Variants in STXBP6 observed in about 807,000 individuals in gnomAD.
STXBP6 encodes syntaxin-binding protein 6.
A neutral mutation model predicts 26.9 loss-of-function variants in STXBP6; 21 were observed. The ratio of observed to expected loss-of-function variants is 0.78; its 90% confidence interval spans 0.55 to 1.12. The LOEUF (loss-of-function observed/expected upper bound fraction) is 1.12. STXBP6 is among the 50% of genes most tolerant of loss of function. STXBP6 has a pLI of 0.00. For synonymous variants in STXBP6, 97 were observed against 92.6 expected (o/e 1.05, Z -0.27); for missense variants, 232 against 257.9 (o/e 0.90, Z 0.69).
chr14:24,863,510 G>A (rs1473923113), intron 2 of STXBP6, among the ~76,000 whole-genome samples: 3 of 152,138 alleles, frequency 2.0e-5, no homozygotes, highest in Non-Finnish European at 4.4e-5. Context: ...TACTAGAAAA[G>A]AGGAGTATCC....
At chr14:24,835,870 C>T (rs141474341) in intron 4 of STXBP6, among the ~76,000 whole-genome samples, 2 of 152,302 alleles carry the variant, frequency 1.3e-5, no homozygotes, top group East Asian at 1.9e-4. Context: ...TGGATGGAGA[C>T]ACCCATTTTC....
intron 1 of STXBP6, among the ~76,000 whole-genome samples, chr14:25,008,685 T>C (rs1279847230): frequency 3.9e-5 from 6 of 152,164 alleles, no homozygotes; most frequent in Non-Finnish European, 7.3e-5. Context: ...GACTCTCAAA[T>C]AGCAATTACA....
intron 2 of STXBP6, among the ~76,000 whole-genome samples, chr14:24,897,548 GT>G (rs2071042891): frequency 6.6e-6 from 1 of 151,824 alleles, no homozygotes; most frequent in Non-Finnish European, 1.5e-5. Context: ...ATATTAATGT[GT>G]TTGAGTAGGG....
intron 2 of STXBP6, among the ~76,000 whole-genome samples, chr14:24,895,465 G>T (rs55903316): frequency 2.6e-5 from 4 of 151,988 alleles, no homozygotes; most frequent in African/African-American, 7.3e-5. Context: ...AGGAGGAGTC[G>T]CAATAACTTT....
chr14:25,022,103 C>T (rs528495336), intron 1 of STXBP6, among the ~76,000 whole-genome samples: 1 of 152,254 alleles, frequency 6.6e-6, no homozygotes, highest in African/African-American at 2.4e-5. Context: ...CTTTCTGGTA[C>T]AAGTAAAAGA....
At position 25,049,391 on chromosome 14, in the gene STXBP6, A is replaced by T; in HGVS notation, c.-33+487T>A. ...AAAGCTCGCCTCAGTTTTGGCAGTA[A>T]TGATTTTCCTAGAAGATGCCAGAGT... On this transcript the variant is annotated intron_variant, in intron 1 of 5. Transcript: ENST00000323944. This position sits in a 1 kb window ranked among gnomAD's most constrained non-coding sequence, Gnocchi z 5.6. The T allele has an allele frequency of 1.0e-6, 1 of 985,404 alleles. No homozygotes were observed. The highest frequency in any genetic ancestry group is 1.7e-5 in the African/African-American group (1 of 57,360). The allele number at this position is 985,404 out of a possible 1,614,324, so 61.0% of individuals were successfully genotyped here. A position where few individuals can be genotyped will look rare whatever the true frequency, so the allele number is the denominator to read the frequency against.
At chr14:24,946,503 A>G (rs77158056) in intron 2 of STXBP6, among the ~76,000 whole-genome samples, 3,650 of 152,320 alleles carry the variant, frequency 0.024, 75 homozygotes, top group East Asian at 0.11. Flanking sequence ...GCAGAGAAGG[A>G]TTGACTATGA....
chr14:24,969,815 G>A (rs374787357), intron 2 of STXBP6, among the ~76,000 whole-genome samples: 1 of 152,160 alleles, frequency 6.6e-6, no homozygotes, highest in African/African-American at 2.4e-5. Context: ...TTCTATCAGA[G>A]TGTTCAAAAA....
intron 2 of STXBP6, among the ~76,000 whole-genome samples, chr14:24,875,452 T>C (rs766490104): frequency 2.6e-5 from 4 of 152,234 alleles, no homozygotes; most frequent in Non-Finnish European, 2.9e-5. Context: ...CAACTCTTTA[T>C]GTCCAGGCAT....
intron 2 of STXBP6, among the ~76,000 whole-genome samples, chr14:24,933,008 T>C (rs550515819): frequency 1.3e-5 from 2 of 152,212 alleles, no homozygotes; most frequent in Admixed American, 1.3e-4. Flanking sequence ...AAATATAAGA[T>C]CTCAATTTGG....
At chr14:24,846,715 A>T (rs1354701134) in intron 4 of STXBP6, among the ~76,000 whole-genome samples, 1 of 152,206 alleles carries the variant, frequency 6.6e-6, no homozygotes, top group African/African-American at 2.4e-5. Context: ...AGTCCTGGGT[A>T]GGTACACTGC....
chr14:25,017,977 C>G (rs193075875), intron 1 of STXBP6, among the ~76,000 whole-genome samples: 1 of 152,134 alleles, frequency 6.6e-6, no homozygotes, highest in Non-Finnish European at 1.5e-5. Context: ...TGCTCTTGGT[C>G]GTGGATCACC....
chr14:24,851,907 C>A (rs1330340616), intron 4 of STXBP6, among the ~76,000 whole-genome samples: 1 of 152,106 alleles, frequency 6.6e-6, no homozygotes, highest in Admixed American at 6.6e-5. Context: ...CCAGATACAG[C>A]TGTGAAAATA....
chr14:24,951,511 A>G (rs905110324), intron 2 of STXBP6, among the ~76,000 whole-genome samples: 1 of 152,144 alleles, frequency 6.6e-6, no homozygotes, highest in African/African-American at 2.4e-5. Context: ...TTGGCAGCAT[A>G]AATGTCTTCT....
intron 4 of STXBP6, among the ~76,000 whole-genome samples, chr14:24,823,523 T>C (rs1163493941): frequency 6.6e-6 from 1 of 152,172 alleles, no homozygotes; most frequent in African/African-American, 2.4e-5. Context: ...GCTACTTCTA[T>C]AAAATACATA....
At chr14:24,988,123 A>G (rs188075165) in intron 1 of STXBP6, among the ~76,000 whole-genome samples, 2 of 152,342 alleles carry the variant, frequency 1.3e-5, no homozygotes, top group African/African-American at 4.8e-5. Flanking sequence ...CAGATAGAGA[A>G]ATCACATAAT....
chr14:25,026,233 A>G (rs2075347324), intron 1 of STXBP6, among the ~76,000 whole-genome samples: 1 of 152,204 alleles, frequency 6.6e-6, no homozygotes, highest in Admixed American at 6.5e-5. Context: ...CCTGAGTGAC[A>G]GGCAAGGGAG....
intron 1 of STXBP6, among the ~76,000 whole-genome samples, chr14:25,035,921 G>A (rs2075541806): frequency 6.6e-6 from 1 of 152,096 alleles, no homozygotes; most frequent in Admixed American, 6.5e-5. Flanking sequence ...CTTTGAGCCA[G>A]AAAAACAGGT....
chr14:24,920,408 T>C lies in STXBP6; in HGVS notation c.154+54257A>G, dbSNP rs79498368. Among the ~76,000 whole-genome samples, 50 of 152,232 alleles carry C rather than the reference T, an allele frequency of 3.3e-4. No individual in the cohort carries two copies. In the East Asian group the frequency reaches 8.9e-3, roughly 27 times the overall value. On this transcript the variant is annotated intron_variant, in intron 2 of 5. Transcript: ENST00000323944. ...TTACTCAACTATTTTTAACGTTTGA[T>C]CAACAGAATATTTCTCTTTCTCATT...
Sources: allele counts gnomAD v4.1 joint callset (sites outside exome capture counted in the v4.1 genomes callset), GRCh38; gene constraint gnomAD v4.1.1; non-coding constraint Gnocchi (gnomAD v3.1); transcripts MANE v1.5; gene names NCBI Gene and HGNC (gene_info 2026-07-23, HGNC 2026-07-21).